The following FRMD6 variants were observed in gnomAD, a reference collection of about 807,000 sequenced individuals.
FRMD6 encodes FERM domain containing 6, also known as FERM domain-containing protein 6.
A neutral mutation model predicts 73.2 loss-of-function variants in FRMD6; 37 were observed. The ratio of observed to expected loss-of-function variants is 0.51; its 90% CI spans 0.39 to 0.66. FRMD6 has a LOEUF of 0.66. FRMD6 is among the 30% of genes least tolerant of loss of function. The pLI, the probability that FRMD6 is intolerant of heterozygous loss-of-function variation, is 0.00. For synonymous variants in FRMD6, 273 were observed against 282.2 expected, an observed-to-expected ratio of 0.97 and a Z score of 0.33; for missense variants, 714 against 780.5, an observed-to-expected ratio of 0.91 and a Z score of 1.02.
chr14:51,685,787 T>C (rs1205902717), intron 1 of FRMD6, among the ~76,000 whole-genome samples: 1 of 151,264 alleles, frequency 6.6e-6, no homozygotes, highest in East Asian at 1.9e-4. Flanking sequence ...CTTAACTAGA[T>C]GGTGAACTCA....
chr14:51,594,773 G>A (rs576783763), intron 2 of FRMD6, among the ~76,000 whole-genome samples: 94 of 152,278 alleles, frequency 6.2e-4, no homozygotes, highest in African/African-American at 2.1e-3. Context: ...ATGAGTACAT[G>A]GGTTAACCCT....
chr14:51,467,078 A>G, the FRMD6 span, among the ~76,000 whole-genome samples: 1 of 152,154 alleles, frequency 6.6e-6, no homozygotes, highest in Non-Finnish European at 1.5e-5. Context: ...ACATGTGAAC[A>G]AAGGTCTCTG....
At chr14:51,414,036 G>T in the FRMD6 span, among the ~76,000 whole-genome samples, 1 of 152,138 alleles carries the variant, frequency 6.6e-6, no homozygotes, top group East Asian at 1.9e-4. Flanking sequence ...TAAGCCCTTT[G>T]TAGATTCTGG....
intron 9 of FRMD6, 199 bp from the exon 10 acceptor site, chr14:51,715,126 T>C (rs1029619877): frequency 3.9e-5 from 17 of 438,752 alleles, no homozygotes; most frequent in South Asian, 3.7e-4. Flanking sequence ...TGTGGCTAGA[T>C]GCTTTCCTGA....
chr14:51,447,813 C>T, the FRMD6 span, among the ~76,000 whole-genome samples: 9 of 152,190 alleles, frequency 5.9e-5, no homozygotes, highest in Non-Finnish European at 1.2e-4. Context: ...CATCCATGCA[C>T]GATTAATGCT....
chr14:51,644,353 T>TCA (rs375341468), intron 2 of FRMD6, among the ~76,000 whole-genome samples: 15,941 of 141,872 alleles, frequency 0.11, 935 homozygotes, highest in Middle Eastern at 0.15. Context: ...GCCTCACCCT[T>TCA]CACACACACA....
At chr14:51,596,937 C>T (rs1889750742) in intron 2 of FRMD6, among the ~76,000 whole-genome samples, 2 of 152,360 alleles carry the variant, frequency 1.3e-5, no homozygotes, top group Admixed American at 1.3e-4. Flanking sequence ...TTATACATCA[C>T]ACAGATGCCT....
At chr14:51,555,862 CTACTGTTGAAGT>C (rs1887101415) in intron 1 of FRMD6, among the ~76,000 whole-genome samples, 2 of 150,350 alleles carry the variant, frequency 1.3e-5, no homozygotes, top group Admixed American at 6.6e-5. Flanking sequence ...GAAAAAAATA[CTACTGTTGAAGT>C]TGCTGTTAAT....
chr14:51,553,689 G>C (rs893118342), intron 1 of FRMD6, among the ~76,000 whole-genome samples: 1 of 152,176 alleles, frequency 6.6e-6, no homozygotes, highest in Non-Finnish European at 1.5e-5. Context: ...CTACTGATCA[G>C]TTCTAAGAGA....
chr14:51,566,744 T>C (rs986460377), intron 1 of FRMD6, among the ~76,000 whole-genome samples: 1 of 152,258 alleles, frequency 6.6e-6, no homozygotes. Context: ...AACCCAATAC[T>C]TTCAAAACCA....
chr14:51,678,101 C>T (rs759108395), intron 1 of FRMD6, among the ~76,000 whole-genome samples: 2 of 152,116 alleles, frequency 1.3e-5, no homozygotes, highest in Non-Finnish European at 2.9e-5. Context: ...CTAGTGCTTA[C>T]CATATGCCTT....
chr14:51,599,422 A>G (rs1048616658), intron 2 of FRMD6, among the ~76,000 whole-genome samples: 4 of 152,134 alleles, frequency 2.6e-5, no homozygotes, highest in African/African-American at 9.7e-5. Context: ...CATTCTGGGC[A>G]TTGACCTTGG....
At chr14:51,451,988 C>A in the FRMD6 span, among the ~76,000 whole-genome samples, 1 of 152,158 alleles carries the variant, frequency 6.6e-6, no homozygotes, top group Non-Finnish European at 1.5e-5. Flanking sequence ...TTATCCCAAG[C>A]AATGGGATGC....
chr14:51,671,569 G>A (rs192001350), intron 1 of FRMD6, among the ~76,000 whole-genome samples: 2 of 152,270 alleles, frequency 1.3e-5, no homozygotes, highest in Admixed American at 6.5e-5. Flanking sequence ...CAGCAGGACA[G>A]CAGTTTGAAA....
chr14:51,622,349 C>T (rs968757192), intron 2 of FRMD6, among the ~76,000 whole-genome samples: 1 of 152,106 alleles, frequency 6.6e-6, no homozygotes, highest in African/African-American at 2.4e-5. Context: ...TTTGCACGAA[C>T]AGGGTGCAAA....
Position 51,720,346 on chromosome 14 carries a change from A to G in FRMD6, c.1316A>G (p.Glu439Gly). Reference sequence around the variant, plus strand: ...GGCAGCTCCCACACCTCAGGGGTGGAGAGTGGCGGCAAAGACCGGCTGGAA... The same window carrying G: ...GGCAGCTCCCACACCTCAGGGGTGGGGAGTGGCGGCAAAGACCGGCTGGAA... The part of the protein sequence containing the change: ...SHGSSHTSGV[E>G]SGGKDRLEED... Residue 439 changes from glutamate (E) to glycine (G), a missense_variant, in exon 11 of 14, where the codon GAG (glutamate) becomes GGG (glycine). Coordinates refer to ENST00000344768, the MANE Select transcript of FRMD6 (RefSeq NM_001267046.2). 6.2e-7 allele frequency: 1 copy of G among 1,613,764 alleles called. No individual in the cohort carries two copies. Among genetic ancestry groups the G allele is most frequent in the Non-Finnish European group, 8.5e-7 (1 of 1,180,024 alleles).
At chr14:51,630,754 T>C (rs1014404533) in intron 2 of FRMD6, among the ~76,000 whole-genome samples, 1 of 151,894 alleles carries the variant, frequency 6.6e-6, no homozygotes, top group African/African-American at 2.4e-5. Flanking sequence ...TCTAAAAAAA[T>C]ACATAAATAA....
intron 2 of FRMD6, among the ~76,000 whole-genome samples, chr14:51,605,796 C>T (rs1001156686): frequency 2.6e-5 from 4 of 152,088 alleles, no homozygotes; most frequent in Non-Finnish European, 4.4e-5. Context: ...GAGAAGGCAA[C>T]CAGAGTCACA....
the FRMD6 span, among the ~76,000 whole-genome samples, chr14:51,418,646 A>G: frequency 6.6e-6 from 1 of 152,226 alleles, no homozygotes; most frequent in Non-Finnish European, 1.5e-5. Context: ...GACCCACTTG[A>G]GGAAGCAGTC....
Sources: gnomAD v4.1 joint callset for allele counts (sites outside exome capture counted in the v4.1 genomes callset) on GRCh38, gnomAD v4.1.1 for gene constraint, MANE v1.5 for transcripts, NCBI Gene and HGNC (gene_info 2026-07-23, HGNC 2026-07-21) for gene names.